Variants in PACSIN2 observed in about 807,000 individuals in gnomAD.
The protein encoded by PACSIN2 is protein kinase C and casein kinase substrate in neurons 2, also known as protein kinase C and casein kinase substrate in neurons protein 2.
PACSIN2 carries 25 observed loss-of-function variants against 63.8 expected under a neutral mutation model. That is an observed-to-expected ratio of 0.39 (90% CI 0.29 to 0.55). PACSIN2 has a LOEUF of 0.55. Ranked by LOEUF, PACSIN2 falls within the 20% of genes least tolerant of loss-of-function variation. PACSIN2 has a pLI of 0.62. For missense variants in PACSIN2, 518 were observed against 646.9 expected (o/e 0.80, Z 2.16); for synonymous variants, 255 against 256.2 (o/e 1.00, Z 0.05).
intron 3 of PACSIN2, 46 bp from the exon 4 acceptor site, chr22:42,891,228 T>G (rs779760676): frequency 5.2e-5 from 70 of 1,339,536 alleles, no homozygotes; most frequent in Non-Finnish European, 7.0e-5. Context: ...CCGGCCATGG[T>G]GGGGTCTGCT....
At chr22:42,949,889 C>A (rs1376815009) in intron 1 of PACSIN2, among the ~76,000 whole-genome samples, 1 of 152,200 alleles carries the variant, frequency 6.6e-6, no homozygotes, top group Non-Finnish European at 1.5e-5. Flanking sequence ...TATTTTACAT[C>A]TATCTCTCCC....
intron 1 of PACSIN2, among the ~76,000 whole-genome samples, chr22:42,999,088 G>T (rs896669929): frequency 1.3e-5 from 2 of 152,152 alleles, no homozygotes; most frequent in African/African-American, 4.8e-5. Context: ...AACCCAAAAA[G>T]GCTGTCACAC....
chr22:42,969,637 T>C (rs897990622), intron 1 of PACSIN2, among the ~76,000 whole-genome samples: 1 of 152,146 alleles, frequency 6.6e-6, no homozygotes, highest in Non-Finnish European at 1.5e-5. Flanking sequence ...ACGTAGTTTC[T>C]ACGTAGAAAG....
At position 42,912,108 on chromosome 22, in the gene PACSIN2, G is replaced by C; in HGVS notation, c.-28C>G. 1 of 1,553,374 alleles carries C rather than the reference G, an allele frequency of 6.4e-7. No homozygotes were observed. The highest frequency in any genetic ancestry group is 2.3e-5 in the East Asian group (1 of 42,816). On this transcript the variant is annotated 5_prime_UTR_variant, in exon 2 of 11. Transcript: ENST00000263246. ...TTTCAAAGGCTGAGGGAGCAGCAAA[G>C]TATACTTAGTCAGGGGTCAACTTCG... is the stretch of plus-strand genomic sequence containing the variant.
chr22:42,876,305 A>G lies in PACSIN2; in HGVS notation c.1180T>C (p.Tyr394His). Residue 394 changes from tyrosine (Y) to histidine (H), a missense_variant, in exon 10 of 11, where the codon TAT becomes CAT. Tyr to His is a moderately conservative substitution (Grantham distance 83). Around this residue, in one of 2 missense-constraint regions of PACSIN2, gnomAD observed 507 missense variants for 612.3 expected, o/e 0.83. Transcript: ENST00000263246. ...TCATCGTCTGACCAGTCGGTGGGAT[A>G]GCTCTGGGTCTTCTCGTAGCTGCTC... Reference protein sequence around the residue: ...NVSSYEKTQSYPTDWSDDESN... With the variant: ...NVSSYEKTQSHPTDWSDDESN... 1 of 1,614,146 alleles carries G rather than the reference A, an allele frequency of 6.2e-7. No homozygotes were observed. The highest frequency in any genetic ancestry group is 1.1e-5 in the South Asian group (1 of 91,080).
intron 4 of PACSIN2, among the ~76,000 whole-genome samples, chr22:42,889,192 G>A (rs1340427040): frequency 6.6e-6 from 1 of 151,882 alleles, no homozygotes; most frequent in Admixed American, 6.6e-5. Context: ...CATGGAACAC[G>A]CACATGGAGC....
chr22:42,966,334 C>T (rs560359525), intron 1 of PACSIN2, among the ~76,000 whole-genome samples: 42 of 150,872 alleles, frequency 2.8e-4, no homozygotes, highest in Non-Finnish European at 4.0e-4. Flanking sequence ...CCCTGCACTC[C>T]GGCCTGGCGA....
intron 1 of PACSIN2, among the ~76,000 whole-genome samples, chr22:42,981,753 T>G: frequency 2.5e-5 from 2 of 79,676 alleles, no homozygotes; most frequent in East Asian, 9.1e-4. Context: ...GCCCGGCCAG[T>G]CGCCCCGTCC....
At chr22:42,981,734 A>G in intron 1 of PACSIN2, among the ~76,000 whole-genome samples, 1 of 89,078 alleles carries the variant, frequency 1.1e-5, no homozygotes, top group Non-Finnish European at 2.3e-5. Flanking sequence ...GGAAGTGAGG[A>G]GCCCCTCTGC....
intron 1 of PACSIN2, 59 bp from the exon 2 acceptor site, chr22:42,912,216 T>C (rs1931508394): frequency 8.3e-6 from 5 of 605,478 alleles, no homozygotes; most frequent in Non-Finnish European, 1.4e-5. Flanking sequence ...AAGAAACAAG[T>C]CATCTCTATT....
chr22:42,956,904 T>C (rs1313653100), intron 1 of PACSIN2, among the ~76,000 whole-genome samples: 1 of 152,182 alleles, frequency 6.6e-6, no homozygotes, highest in African/African-American at 2.4e-5. Flanking sequence ...GCATATCAAA[T>C]GTTACTTATA....
At chr22:42,973,680 C>G (rs997614580) in intron 1 of PACSIN2, among the ~76,000 whole-genome samples, 2 of 152,210 alleles carry the variant, frequency 1.3e-5, no homozygotes, top group Non-Finnish European at 2.9e-5. Context: ...CCCATAAACC[C>G]AGACTGGGTT....
At chr22:42,941,129 T>C (rs906821284) in intron 1 of PACSIN2, among the ~76,000 whole-genome samples, 11 of 152,218 alleles carry the variant, frequency 7.2e-5, no homozygotes, top group African/African-American at 2.7e-4. Context: ...TTCAGATAAA[T>C]GGGATCATAA....
At chr22:42,928,175 G>A (rs933200746) in intron 1 of PACSIN2, among the ~76,000 whole-genome samples, 3 of 152,214 alleles carry the variant, frequency 2.0e-5, no homozygotes, top group Non-Finnish European at 4.4e-5. Flanking sequence ...CTTGAGAAAG[G>A]ACGGGAACAC....
At position 42,934,606 on chromosome 22, in the gene PACSIN2, C is replaced by T. The variant is rs1046521406; in HGVS notation, c.-77-22449G>A. On this transcript the variant is annotated intron_variant, in intron 1 of 10. Transcript: ENST00000263246. ...CTGAGACTGCCGCCTTGCTGGTCAACTCCCACCTACCTTGCAAGGCCCAGT... is the reference window on the plus strand; with the variant it reads ...CTGAGACTGCCGCCTTGCTGGTCAATTCCCACCTACCTTGCAAGGCCCAGT... Among the ~76,000 whole-genome samples, 3 of 152,258 alleles carry T rather than the reference C, an allele frequency of 2.0e-5. No individual in the cohort carries two copies. The South Asian group carries it at 6.2e-4, about 32-fold the overall frequency.
intron 6 of PACSIN2, among the ~76,000 whole-genome samples, 159 bp from the exon 7 acceptor site, chr22:42,882,463 C>T (rs1404225447): frequency 6.6e-6 from 1 of 152,166 alleles, no homozygotes; most frequent in African/African-American, 2.4e-5. Flanking sequence ...GGTGGAAGGT[C>T]ACGGGCCGCC....
intron 1 of PACSIN2, among the ~76,000 whole-genome samples, chr22:42,934,400 C>T (rs1046479607): frequency 1.3e-5 from 2 of 152,096 alleles, no homozygotes; most frequent in African/African-American, 4.8e-5. Context: ...CTTCTGTGTA[C>T]TCCCCCTCCT....
chr22:42,961,692 G>T (rs1934142072), intron 1 of PACSIN2, among the ~76,000 whole-genome samples: 1 of 152,072 alleles, frequency 6.6e-6, no homozygotes, highest in African/African-American at 2.4e-5. Context: ...AGAATCGCTT[G>T]ACCCCAGGGA....
At chr22:42,904,722 C>G (rs1400673033) in intron 2 of PACSIN2, among the ~76,000 whole-genome samples, 1 of 152,180 alleles carries the variant, frequency 6.6e-6, no homozygotes. Flanking sequence ...CCACAGCCCC[C>G]CCATACTGCA....
Sources: allele counts gnomAD v4.1 joint callset (sites outside exome capture counted in the v4.1 genomes callset), GRCh38; gene constraint gnomAD v4.1.1; regional missense constraint gnomAD v4.1.1; transcripts MANE v1.5; gene names NCBI Gene and HGNC (gene_info 2026-07-23, HGNC 2026-07-21).